Variants in NIBAN2 observed in about 807,000 individuals in gnomAD.
NIBAN2 encodes the protein protein Niban 2.
A neutral mutation model predicts 81.8 loss-of-function variants in NIBAN2; 36 were observed. The ratio of observed to expected loss-of-function variants is 0.44; its 90% CI spans 0.34 to 0.58. The LOEUF (loss-of-function observed/expected upper bound fraction) is 0.58. Among genes scored for constraint, NIBAN2 ranks in the 20% least tolerant of loss-of-function variants. The pLI is 0.02. For missense variants in NIBAN2, 897 were observed against 1,014.1 expected, an observed-to-expected ratio of 0.88 and a Z score of 1.57; for synonymous variants, 445 against 441.6, an observed-to-expected ratio of 1.01 and a Z score of -0.10.
intron 1 of NIBAN2, among the ~76,000 whole-genome samples, chr9:127,542,407 G>A (rs1837395963): frequency 6.6e-6 from 1 of 152,180 alleles, no homozygotes; most frequent in Non-Finnish European, 1.5e-5. Context: ...CTGCTCCTGG[G>A]GCAGGGCCTG....
intron 9 of NIBAN2, chr9:127,509,924 G>A (rs1836701610): frequency 5.4e-6 from 2 of 370,094 alleles, no homozygotes; most frequent in East Asian, 4.0e-5. Context: ...AAAGGCTGGT[G>A]GCCGGGAGCT....
In NIBAN2 at chr9:127,506,974, T is replaced by C. The variant is rs1267782492; in HGVS notation, c.2112A>G (p.Gly704=). The C allele has an allele frequency of 6.2e-7, 1 of 1,602,856 alleles. No individual in the cohort carries two copies. The highest frequency in any genetic ancestry group is 8.5e-7 in the Non-Finnish European group (1 of 1,174,332). ...PASPLQHLLP[G]KAVDLGPPKP... is the part of the protein sequence containing the mutation. ...TGGGGGGCCCAAGGTCCACAGCCTTTCCAGGCAGGAGATGCTGGAGGGGTG... is the reference window on the plus strand; with the variant it reads ...TGGGGGGCCCAAGGTCCACAGCCTTCCCAGGCAGGAGATGCTGGAGGGGTG... The change falls in exon 14 of 14, where the codon GGA becomes GGG. Residue 704 remains glycine (G), a synonymous_variant. Transcript: ENST00000373312.
chr9:127,516,362 T>A (rs1195771618), intron 8 of NIBAN2, among the ~76,000 whole-genome samples: 7 of 152,070 alleles, frequency 4.6e-5, no homozygotes, highest in African/African-American at 1.7e-4. Context: ...CTGGCCAACA[T>A]GGTGAAACCC....
At chr9:127,560,705 C>T (rs1837758692) in intron 1 of NIBAN2, among the ~76,000 whole-genome samples, 1 of 152,188 alleles carries the variant, frequency 6.6e-6, no homozygotes. Flanking sequence ...CCCAGCACAG[C>T]GCCGGGCACA....
chr9:127,507,179 T>A lies in NIBAN2; in HGVS notation c.1907A>T (p.Glu636Val). 6.2e-7 allele frequency: 1 copy of A among 1,612,528 alleles called. No homozygotes were observed. The highest frequency in any genetic ancestry group is 2.2e-5 in the East Asian group (1 of 44,842). ...AGGTGGTGGTGACTCAGGGCTAGCC[T>A]CAAAGGGCAGCCCCACCTCCTCATC... ...VQDEEVGLPF[E>V]ASPESPPPAS... Residue 636 changes from glutamate (E) to valine (V), a missense_variant, in exon 14 of 14, where the codon GAG becomes GTG. Coordinates refer to ENST00000373312, the MANE Select transcript of NIBAN2 (RefSeq NM_022833.4). The surrounding 1 kb of genome is among the most constrained non-coding windows in gnomAD (Gnocchi z 6.8).
rs374249421 is a variant in NIBAN2 at position 127,508,053 on chromosome 9, C to T, written c.1542+40G>A. Reference sequence around the variant, plus strand: ...GAGGCCTGTGGGCTCCATCCCCCAACTTAGGGCCCAAACGGCTGGAGCAGG... The same window carrying T: ...GAGGCCTGTGGGCTCCATCCCCCAATTTAGGGCCCAAACGGCTGGAGCAGG... On this transcript the variant is annotated intron_variant, in intron 12 of 13. Coordinates refer to ENST00000373312, the MANE Select transcript of NIBAN2 (RefSeq NM_022833.4). The surrounding 1 kb of genome is among the most constrained non-coding windows in gnomAD (Gnocchi z 6.4). 7.6e-5 allele frequency: 123 copies of T among 1,611,596 alleles called. No homozygotes were observed. Among genetic ancestry groups the T allele is most frequent in the Non-Finnish European group, 9.7e-5 (114 of 1,177,944 alleles).
Position 127,516,998 on chromosome 9 carries a change from T to A in NIBAN2, c.832A>T (p.Met278Leu), listed in dbSNP as rs1177250674. The change falls in exon 8 of 14, where the codon ATG becomes TTG. Residue 278 changes from methionine (M) to leucine (L), a missense_variant. By Grantham distance (15) the Met-to-Leu change is conservative. Around this residue, in one of 3 missense-constraint regions of NIBAN2, gnomAD observed 619 missense variants for 691.0 expected, o/e 0.90. Coordinates refer to ENST00000373312, the MANE Select transcript of NIBAN2 (RefSeq NM_022833.4). ...CGCGCCTTGGCCTGCTCGTACACCA[T>A]GTGGTACACGGCGTCCGAGATCTGT... ...WIQISDAVYH[M>L]VYEQAKARFE... 3 of 1,613,832 alleles carry A rather than the reference T, an allele frequency of 1.9e-6. No homozygotes were observed. Among genetic ancestry groups the A allele is most frequent in the Non-Finnish European group, 2.5e-6 (3 of 1,179,900 alleles).
At chr9:127,542,553 G>A (rs574538754) in intron 1 of NIBAN2, among the ~76,000 whole-genome samples, 64 of 152,356 alleles carry the variant, frequency 4.2e-4, no homozygotes, top group African/African-American at 1.5e-3. Context: ...TCCTCACCAC[G>A]GAAACGGAGG....
Position 127,508,905 on chromosome 9 carries a change from CCCCCTGGG to C in NIBAN2, c.1317+63_1317+70del. ...GCATGACGGGACGGAGCAGAAGGGA[CCCCCTGGG>C]CGAGGGGGCCTGTGGAAGGCAGTGG... is the stretch of plus-strand genomic sequence containing the variant. On this transcript the variant is annotated intron_variant, in intron 10 of 13. Coordinates refer to ENST00000373312, the MANE Select transcript of NIBAN2 (RefSeq NM_022833.4). The surrounding 1 kb of genome is among the most constrained non-coding windows in gnomAD (Gnocchi z 6.4). 4 of 1,555,824 alleles carry C rather than the reference CCCCCTGGG, an allele frequency of 2.6e-6. No individual in the cohort carries two copies. The highest frequency in any genetic ancestry group is 3.5e-6 in the Non-Finnish European group (4 of 1,130,992).
chr9:127,577,710 T>TTTTGTTTGTTTGTTTGTTTG (rs376947080), intron 1 of NIBAN2, among the ~76,000 whole-genome samples: 2,511 of 151,970 alleles, frequency 0.017, 78 homozygotes, highest in African/African-American at 0.056. Flanking sequence ...TGCTATATCT[T>TTTTGTTTGTTTGTTTGTTTG]TTTGTTTGTT....
chr9:127,520,084 T>C (rs1189688891), intron 5 of NIBAN2, among the ~76,000 whole-genome samples: 1 of 152,186 alleles, frequency 6.6e-6, no homozygotes, highest in East Asian at 1.9e-4. Context: ...CCGCTGAGTG[T>C]GACAAGTTTC....
rs147526033 is a variant in NIBAN2, at chr9:127,517,001, G to T, written c.829C>A (p.His277Asn). The change falls in exon 8 of 14, where the codon CAC (histidine) becomes AAC (asparagine). Residue 277 changes from histidine (H) to asparagine (N), a missense_variant. By Grantham distance (68) the His-to-Asn change is moderately conservative (BLOSUM62 1). Coordinates refer to ENST00000373312, the MANE Select transcript of NIBAN2 (RefSeq NM_022833.4). This position sits in a 1 kb window ranked among gnomAD's most constrained non-coding sequence, Gnocchi z 4.0. Reference sequence around the variant, plus strand: ...GCCTTGGCCTGCTCGTACACCATGTGGTACACGGCGTCCGAGATCTGTGGG... The same window carrying T: ...GCCTTGGCCTGCTCGTACACCATGTTGTACACGGCGTCCGAGATCTGTGGG... Reference protein sequence around the residue: ...QWIQISDAVYHMVYEQAKARF... With the variant: ...QWIQISDAVYNMVYEQAKARF... The T allele has an allele frequency of 1.1e-5, 18 of 1,613,534 alleles. No homozygotes were observed. In the African/African-American group the frequency reaches 2.3e-4, roughly 20 times the overall value.
intron 1 of NIBAN2, chr9:127,578,803 G>T: frequency 2.1e-6 from 2 of 950,782 alleles, no homozygotes; most frequent in Non-Finnish European, 3.2e-6. Flanking sequence ...GCTGCATTGA[G>T]CTATGATCAT....
In NIBAN2 at chr9:127,563,106, T is replaced by C. The variant is rs934727829; in HGVS notation, c.55+5714A>G. Among the ~76,000 whole-genome samples, 1 of 152,048 alleles carries C rather than the reference T, an allele frequency of 6.6e-6. No individual in the cohort carries two copies. The highest frequency in any genetic ancestry group is 1.5e-5 in the Non-Finnish European group (1 of 68,010). On this transcript the variant is annotated intron_variant, in intron 1 of 13. Coordinates refer to ENST00000373312, the MANE Select transcript of NIBAN2 (RefSeq NM_022833.4). The surrounding 1 kb of genome is among the most constrained non-coding windows in gnomAD (Gnocchi z 4.1). ...GGGCAGCCATGGCCCCGCGTGGGTT[T>C]AGAAAGGTCCCTTTGGCAGCGTGTG...
intron 1 of NIBAN2, among the ~76,000 whole-genome samples, chr9:127,565,635 A>G (rs955419709): frequency 2.0e-5 from 3 of 151,708 alleles, no homozygotes; most frequent in African/African-American, 7.3e-5. Flanking sequence ...CTCTACTAGA[A>G]ATACCAAAAT....
At chr9:127,516,101 C>T (rs548993722) in intron 8 of NIBAN2, among the ~76,000 whole-genome samples, 8 of 151,686 alleles carry the variant, frequency 5.3e-5, no homozygotes, top group South Asian at 2.1e-4. Context: ...GCAGCCTGGG[C>T]GACAGAGTGA....
chr9:127,562,042 C>A (rs532245316), intron 1 of NIBAN2, among the ~76,000 whole-genome samples: 1 of 152,058 alleles, frequency 6.6e-6, no homozygotes. Context: ...GAGCTCTGCC[C>A]GCGGGGAAGG....
intron 5 of NIBAN2, among the ~76,000 whole-genome samples, chr9:127,519,667 CCTGG>C (rs1836899300): frequency 6.6e-6 from 1 of 152,236 alleles, no homozygotes; most frequent in Admixed American, 6.5e-5. Context: ...AGCGCAGCTG[CCTGG>C]ATGGGGACGG....
intron 1 of NIBAN2, among the ~76,000 whole-genome samples, chr9:127,555,174 G>A (rs925572902): frequency 6.6e-6 from 1 of 152,088 alleles, no homozygotes; most frequent in Non-Finnish European, 1.5e-5. Context: ...CATCCCCCAT[G>A]CTGTAATGTA....
Sources: allele counts gnomAD v4.1 joint callset (sites outside exome capture counted in the v4.1 genomes callset), GRCh38; gene constraint gnomAD v4.1.1; regional missense constraint gnomAD v4.1.1; non-coding constraint Gnocchi (gnomAD v3.1); transcripts MANE v1.5; gene names NCBI Gene and HGNC (gene_info 2026-07-23, HGNC 2026-07-21).